Variants in SHISA9 observed in about 807,000 individuals in gnomAD.
SHISA9 encodes the protein shisa family member 9, also known as protein shisa-9.
A neutral mutation model predicts 38.0 loss-of-function variants in SHISA9; 13 were observed. That is an observed-to-expected ratio of 0.34 (90% CI 0.22 to 0.54). The LOEUF is 0.54. Ranked by LOEUF, SHISA9 falls within the 20% of genes least tolerant of loss-of-function variation. The pLI is 0.91. For missense variants in SHISA9, 538 were observed against 575.8 expected, an observed-to-expected ratio of 0.93 and a Z score of 0.67; for synonymous variants, 275 against 242.0, an observed-to-expected ratio of 1.14 and a Z score of -1.27.
intron 2 of SHISA9, among the ~76,000 whole-genome samples, chr16:13,025,966 C>T (rs751962787): frequency 1.3e-5 from 2 of 152,038 alleles, no homozygotes; most frequent in Non-Finnish European, 2.9e-5. Context: ...CCACCATGCC[C>T]AGCTAATTTT....
the SHISA9 span, among the ~76,000 whole-genome samples, chr16:13,308,232 A>G: frequency 6.7e-6 from 1 of 149,834 alleles, no homozygotes; most frequent in Non-Finnish European, 1.5e-5. Context: ...TTTTATGTTC[A>G]TCAAAGTAAT....
At chr16:12,971,900 T>C (rs1202904319) in intron 2 of SHISA9, among the ~76,000 whole-genome samples, 1 of 152,176 alleles carries the variant, frequency 6.6e-6, no homozygotes, top group East Asian at 1.9e-4. Flanking sequence ...AACTGTCCTA[T>C]AGATTCCGGT....
the SHISA9 span, among the ~76,000 whole-genome samples, chr16:13,273,649 T>C: frequency 6.6e-6 from 1 of 152,166 alleles, no homozygotes; most frequent in Non-Finnish European, 1.5e-5. Context: ...AGTCAGCAGC[T>C]TGAGAACGGA....
chr16:13,299,961 T>G, the SHISA9 span, among the ~76,000 whole-genome samples: 6 of 152,242 alleles, frequency 3.9e-5, no homozygotes, highest in Non-Finnish European at 7.4e-5. Flanking sequence ...GCACATGAAG[T>G]GCCAGGTAGG....
chr16:13,186,537 A>ACACC (rs2050825493), intron 2 of SHISA9, among the ~76,000 whole-genome samples: 2 of 151,922 alleles, frequency 1.3e-5, no homozygotes, highest in East Asian at 3.9e-4. Flanking sequence ...ACCTCGTGAT[A>ACACC]CACCCGCCTC....
At chr16:12,951,908 C>G (rs181486958) in intron 2 of SHISA9, among the ~76,000 whole-genome samples, 1 of 152,146 alleles carries the variant, frequency 6.6e-6, no homozygotes, top group African/African-American at 2.4e-5. Flanking sequence ...ACAAACAAAA[C>G]CAAACATTTA....
chr16:13,373,631 G>A, the SHISA9 span, among the ~76,000 whole-genome samples: 12 of 152,052 alleles, frequency 7.9e-5, no homozygotes, highest in Admixed American at 2.0e-4. Flanking sequence ...GCATGGTAGC[G>A]GGCGCCTGTA....
the SHISA9 span, among the ~76,000 whole-genome samples, chr16:13,485,724 A>G: frequency 6.6e-6 from 1 of 152,170 alleles, no homozygotes; most frequent in Non-Finnish European, 1.5e-5. Context: ...CCTTTGTGCT[A>G]TCAAATGCTA....
intron 2 of SHISA9, among the ~76,000 whole-genome samples, chr16:13,058,673 A>T (rs1363253307): frequency 2.0e-5 from 3 of 152,114 alleles, no homozygotes; most frequent in Non-Finnish European, 1.5e-5. Context: ...GAGGAGAGGT[A>T]GTTGAAAGCT....
chr16:13,345,229 A>G, the SHISA9 span, among the ~76,000 whole-genome samples: 1 of 152,058 alleles, frequency 6.6e-6, no homozygotes, highest in African/African-American at 2.4e-5. Flanking sequence ...AATACCCATT[A>G]GTTATTTTTC....
At chr16:12,902,760 A>C in intron 1 of SHISA9, 133 bp downstream of exon 1, 1 of 982,130 alleles carries the variant, frequency 1.0e-6, no homozygotes, top group Admixed American at 2.9e-5. Context: ...GGGGGATGTC[A>C]CCGGGAAGCC....
intron 2 of SHISA9, among the ~76,000 whole-genome samples, chr16:13,087,260 C>G (rs1238748899): frequency 1.4e-5 from 2 of 145,640 alleles, no homozygotes; most frequent in Non-Finnish European, 3.0e-5. Context: ...CAAGTCTTTG[C>G]TATTGTGAAT....
the SHISA9 span, among the ~76,000 whole-genome samples, chr16:13,444,618 T>G: frequency 6.6e-6 from 1 of 152,140 alleles, no homozygotes; most frequent in South Asian, 2.1e-4. Context: ...CCAAACTGTT[T>G]GTAGAGAGCT....
intron 2 of SHISA9, among the ~76,000 whole-genome samples, chr16:12,979,783 T>C (rs959978900): frequency 2.0e-5 from 3 of 152,228 alleles, no homozygotes; most frequent in African/African-American, 7.2e-5. Flanking sequence ...GTTTCACTTT[T>C]TAAATTTTTC....
At chr16:13,254,348 G>C in the SHISA9 span, among the ~76,000 whole-genome samples, 1 of 152,262 alleles carries the variant, frequency 6.6e-6, no homozygotes, top group South Asian at 2.1e-4. Flanking sequence ...AGATTTAGGG[G>C]AGAGAGAAGA....
At position 13,211,063 on chromosome 16, in the gene SHISA9, A is replaced by G. The variant is rs530493666; in HGVS notation, c.848-2190A>G. The stretch of plus-strand genomic sequence containing the variant: ...TATAATCCCAGCAGTTTGGGAGGCC[A>G]AAGCAGACAGATCACTTGAGATCAG... On this transcript the variant is annotated intron_variant, in intron 3 of 4. Coordinates refer to ENST00000558583, the MANE Select transcript of SHISA9 (RefSeq NM_001145204.3). 1.3e-3 allele frequency among the ~76,000 whole-genome samples: 198 copies of G among 152,232 alleles called. 1 individual carries two copies. The highest frequency in any genetic ancestry group is 4.6e-3 in the African/African-American group (192 of 41,538).
chr16:12,908,760 G>A (rs1596522779), intron 1 of SHISA9: 3 of 1,404,788 alleles, frequency 2.1e-6, no homozygotes, highest in East Asian at 5.3e-5. Context: ...ATCGGCCCCG[G>A]CAGGCCCAGA....
chr16:13,476,556 AAAG>A, the SHISA9 span, among the ~76,000 whole-genome samples: 3 of 152,086 alleles, frequency 2.0e-5, no homozygotes, highest in African/African-American at 7.2e-5. Flanking sequence ...TTTGAAATTC[AAAG>A]TCAGTCATGG....
intron 4 of SHISA9, among the ~76,000 whole-genome samples, chr16:13,218,291 G>A (rs1317856961): frequency 1.3e-5 from 2 of 152,096 alleles, no homozygotes; most frequent in Non-Finnish European, 2.9e-5. Context: ...TCTGAGTGTC[G>A]TGTCCCAGTA....
Sources: gnomAD v4.1 joint callset for allele counts (sites outside exome capture counted in the v4.1 genomes callset) on GRCh38, gnomAD v4.1.1 for gene constraint, MANE v1.5 for transcripts, NCBI Gene and HGNC (gene_info 2026-07-23, HGNC 2026-07-21) for gene names.